COL20A1: variants seen among roughly 807,000 people sequenced by gnomAD.
COL20A1 encodes collagen type XX alpha 1 chain.
A neutral mutation model predicts 152.9 loss-of-function variants in COL20A1; 164 were observed. The observed-to-expected ratio is 1.07, with a 90% CI of 0.94 to 1.22. The LOEUF is 1.22. COL20A1 is among the 50% of genes most tolerant of loss of function. The pLI is 0.00. For synonymous variants in COL20A1, 864 were observed against 756.0 expected (o/e 1.14, Z -2.34); for missense variants, 1,873 against 1,744.8 (o/e 1.07, Z -1.31).
chr20:63,317,939 G>A (rs909397158), intron 21 of COL20A1, among the ~76,000 whole-genome samples: 1 of 152,096 alleles, frequency 6.6e-6, no homozygotes, highest in Admixed American at 6.5e-5. Context: ...GGTGGGTGAG[G>A]TGGGAGCTCT....
chr20:63,312,177 A>G, intron 14 of COL20A1, 122 bp downstream of exon 14: 1 of 1,258,716 alleles, frequency 7.9e-7, no homozygotes, highest in Non-Finnish European at 1.1e-6. Flanking sequence ...CACGAGGCAC[A>G]GCGGGGGCAC....
chr20:63,305,506 A>G lies in COL20A1; in HGVS notation c.283A>G (p.Ile95Val), dbSNP rs759856484. 8 of 1,606,974 alleles carry G rather than the reference A, an allele frequency of 5.0e-6. No homozygotes were observed. The East Asian group carries it at 1.8e-4, about 36-fold the overall frequency. ...LSPSKGYTLQ[I>V]FELTGSGRFL... ...CCCCTCCAAGGGCTACACCTTGCAG[A>G]TCTTCGAGCTCACTGGCTCTGGGCG... The change falls in exon 4 of 36, where the codon ATC (isoleucine) becomes GTC (valine). Residue 95 changes from isoleucine to valine, a missense_variant. Physicochemically the swap from Ile to Val is conservative, Grantham distance 29 (BLOSUM62 3). Transcript: ENST00000358894. This position sits in a 1 kb window ranked among gnomAD's most constrained non-coding sequence, Gnocchi z 4.9.
chr20:63,311,974 A>G lies in COL20A1; in HGVS notation c.1722A>G (p.Arg574=), dbSNP rs747773803. ...CAGACGTGAGCCACGACGCGGCACG[A>G]GTGTTCTGGGAGGGTGCCCCGAGGC... ...GFSDVSHDAA[R]VFWEGAPRPV... Residue 574 remains arginine, a synonymous_variant, in exon 14 of 36, where the codon CGA becomes CGG. Coordinates refer to ENST00000358894, the MANE Select transcript of COL20A1 (RefSeq NM_020882.4). The surrounding 1 kb of genome is among the most constrained non-coding windows in gnomAD (Gnocchi z 4.4). The G allele has an allele frequency of 1.9e-6, 3 of 1,600,792 alleles. No homozygotes were observed. Among genetic ancestry groups the G allele is most frequent in the Non-Finnish European group, 2.6e-6 (3 of 1,175,664 alleles).
intron 2 of COL20A1, among the ~76,000 whole-genome samples, chr20:63,295,443 C>T (rs1199939645): frequency 2.0e-5 from 3 of 152,234 alleles, no homozygotes; most frequent in Non-Finnish European, 2.9e-5. Flanking sequence ...GAGAGTTATT[C>T]CACGAACACC....
At chr20:63,316,332 T>C (rs1027373154) in intron 20 of COL20A1, among the ~76,000 whole-genome samples, 1 of 151,830 alleles carries the variant, frequency 6.6e-6, no homozygotes, top group African/African-American at 2.4e-5. Context: ...TGGATTCCCC[T>C]GGGGAGGGGT....
In COL20A1 at chr20:63,316,612, G is replaced by A. The variant is rs753039273; in HGVS notation, c.2584G>A (p.Val862Met). Reference sequence around the variant, plus strand: ...AAAGGCTTATGCGTCCATCCGGGGCGTGGCCATGGAGCCCTCTGCCTTCGG... The same window carrying A: ...AAAGGCTTATGCGTCCATCCGGGGCATGGCCATGGAGCCCTCTGCCTTCGG... ...VEKAYASIRG[V>M]AMEPSAFGGT... Residue 862 changes from valine (V) to methionine (M), a missense_variant, in exon 21 of 36, where the codon GTG becomes ATG. Coordinates refer to ENST00000358894, the MANE Select transcript of COL20A1 (RefSeq NM_020882.4). 1.0e-5 allele frequency: 16 copies of A among 1,583,514 alleles called. No individual in the cohort carries two copies. The highest frequency in any genetic ancestry group is 6.9e-5 in the East Asian group (3 of 43,490).
Position 63,308,607 on chromosome 20 carries a change from G to A in COL20A1, c.841G>A (p.Ala281Thr). The A allele has an allele frequency of 6.2e-7, 1 of 1,605,698 alleles. No individual in the cohort carries two copies. Among genetic ancestry groups the A allele is most frequent in the Non-Finnish European group, 8.5e-7 (1 of 1,176,852 alleles). Residue 281 changes from alanine (A) to threonine (T), a missense_variant, in exon 8 of 36, where the codon GCC becomes ACC. Physicochemically the swap from Ala to Thr is moderately conservative, Grantham distance 58 (BLOSUM62 0). Coordinates refer to ENST00000358894, the MANE Select transcript of COL20A1 (RefSeq NM_020882.4). The stretch of plus-strand genomic sequence containing the variant: ...GGCGGCTGGCCTCCGTCCAGAGGCA[G>A]CCAAGGTGGTGATTCTGGTGACGGA... Reference protein sequence around the residue: ...QPAAGLRPEAAKVVILVTDGK... With the variant: ...QPAAGLRPEATKVVILVTDGK...
chr20:63,318,367 C>A (rs368542866), intron 21 of COL20A1, among the ~76,000 whole-genome samples: 1 of 147,262 alleles, frequency 6.8e-6, no homozygotes, highest in Non-Finnish European at 1.5e-5. Context: ...TAGGAGGCTA[C>A]GGCCATTGGG....
At chr20:63,296,711 C>T (rs1437556548) in intron 2 of COL20A1, among the ~76,000 whole-genome samples, 1 of 152,218 alleles carries the variant, frequency 6.6e-6, no homozygotes, top group Non-Finnish European at 1.5e-5. Flanking sequence ...GCGGGAGGGG[C>T]CCTGCTCACA....
At chr20:63,293,516 A>T (rs1194204754) in intron 1 of COL20A1, among the ~76,000 whole-genome samples, 3 of 152,134 alleles carry the variant, frequency 2.0e-5, no homozygotes, top group African/African-American at 4.8e-5. Flanking sequence ...GTCTCAGACA[A>T]CATCCAGGGC....
In COL20A1 at chr20:63,312,642, G is replaced by C. The variant is rs2068025035; in HGVS notation, c.1933+93G>C. The C allele has an allele frequency of 4.1e-6, 6 of 1,479,556 alleles. No homozygotes were observed. The Admixed American group carries it at 6.3e-5, about 16-fold the overall frequency. 91.7% of individuals were successfully genotyped at this position (1,479,556 alleles called of 1,614,324 possible). A position where few individuals can be genotyped will look rare whatever the true frequency, so the allele number is the denominator to read the frequency against. On this transcript the variant is annotated intron_variant, in intron 15 of 35. Coordinates refer to ENST00000358894, the MANE Select transcript of COL20A1 (RefSeq NM_020882.4). ...TTCACATCAAGTGTTTTGGGAGCCT[G>C]CCCTGGGTCAGTGCTGAGCCAGGTG...
intron 20 of COL20A1, 43 bp from the exon 21 acceptor site, chr20:63,316,510 T>C: frequency 6.8e-7 from 1 of 1,480,234 alleles, no homozygotes; most frequent in Admixed American, 2.1e-5. Flanking sequence ...CCCTGCCATC[T>C]CTGAGGGTCC....
chr20:63,322,417 G>A (rs977651842), intron 27 of COL20A1, among the ~76,000 whole-genome samples: 2 of 152,228 alleles, frequency 1.3e-5, no homozygotes, highest in Admixed American at 6.5e-5. Flanking sequence ...GCTTGGGGAG[G>A]TGAGGCCACC....
At position 63,305,592 on chromosome 20, in the gene COL20A1, C is replaced by G. The variant is rs369427448; in HGVS notation, c.337+32C>G. 3.7e-4 allele frequency: 581 copies of G among 1,562,404 alleles called. 6 individuals are homozygous for G. The South Asian group carries it at 6.0e-3, about 16-fold the overall frequency. ...CCACCGTCTGCCAGCTGGGTACCCA[C>G]TCCTCCAGGCCGGGTCCCACCCTCC... On this transcript the variant is annotated intron_variant, in intron 4 of 35. Coordinates refer to ENST00000358894, the MANE Select transcript of COL20A1 (RefSeq NM_020882.4). The surrounding 1 kb of genome is among the most constrained non-coding windows in gnomAD (Gnocchi z 4.9).
chr20:63,309,704 G>T, intron 9 of COL20A1, 54 bp from the exon 10 acceptor site: 2 of 1,467,246 alleles, frequency 1.4e-6, no homozygotes, highest in East Asian at 2.5e-5. Context: ...GGGGAGCGTG[G>T]ACACAGCTGC....
At chr20:63,318,027 G>A (rs2068107019) in intron 21 of COL20A1, among the ~76,000 whole-genome samples, 1 of 152,176 alleles carries the variant, frequency 6.6e-6, no homozygotes, top group African/African-American at 2.4e-5. Context: ...AAACCCTCCT[G>A]GGACCAGGCA....
chr20:63,308,096 G>A lies in COL20A1; in HGVS notation c.775+6G>A, dbSNP rs1348824225. On this transcript the variant is annotated splice_donor_region_variant and intron_variant, in intron 7 of 35. Coordinates refer to ENST00000358894, the MANE Select transcript of COL20A1 (RefSeq NM_020882.4). ...GGGGGGGAACACGTTCACAGGTACG[G>A]CCCAGGCCTGCCCCTCCCTCTGTCC... The A allele has an allele frequency of 6.3e-7, 1 of 1,598,660 alleles. No homozygotes were observed. Among genetic ancestry groups the A allele is most frequent in the Non-Finnish European group, 8.5e-7 (1 of 1,178,868 alleles).
At position 63,319,198 on chromosome 20, in the gene COL20A1, A is replaced by T. The variant is rs1489606515; in HGVS notation, c.2804A>T (p.Asp935Val). The T allele has an allele frequency of 1.2e-6, 2 of 1,612,326 alleles. No individual in the cohort carries two copies. The highest frequency in any genetic ancestry group is 2.2e-5 in the South Asian group (2 of 90,970). Residue 935 changes from aspartate to valine, a missense_variant and splice_region_variant, in exon 22 of 36, where the codon GAT (aspartate) becomes GTT (valine). Physicochemically the swap from Asp to Val is radical, Grantham distance 152. Coordinates refer to ENST00000358894, the MANE Select transcript of COL20A1 (RefSeq NM_020882.4). The surrounding 1 kb of genome is among the most constrained non-coding windows in gnomAD (Gnocchi z 4.4). ...CAGCCCCTCCTTGGGGTTCTGCTGG[A>T]TGGTGACGTGGGCCCCGCGTCGCCC... ...DFQPLLGVLL[D>V]AGKKSLTYFH... is the part of the protein sequence containing the mutation.
At chr20:63,327,575 G>C (rs777944426) in intron 31 of COL20A1, 10 of 242,426 alleles carry the variant, frequency 4.1e-5, no homozygotes, top group Non-Finnish European at 8.1e-5. Flanking sequence ...GGTGGAAGAA[G>C]ACAGAAGACG....
Sources: allele counts gnomAD v4.1 joint callset (sites outside exome capture counted in the v4.1 genomes callset), GRCh38; gene constraint gnomAD v4.1.1; non-coding constraint Gnocchi (gnomAD v3.1); transcripts MANE v1.5; gene names NCBI Gene and HGNC (gene_info 2026-07-23, HGNC 2026-07-21).